SUPT3H: variants seen among roughly 807,000 people sequenced by gnomAD.
SUPT3H encodes the protein SPT3 homolog, SAGA and STAGA complex component, also known as transcription initiation protein SPT3 homolog.
In SUPT3H, 44 loss-of-function variants were observed where a neutral mutation model predicts 44.3. The observed-to-expected ratio is 0.99, with a 90% CI of 0.78 to 1.28. The LOEUF (loss-of-function observed/expected upper bound fraction) is 1.28, where lower values mean the gene tolerates loss of function less well. Among genes scored for constraint, SUPT3H ranks in the 50% most tolerant of loss-of-function variants. SUPT3H has a pLI of 0.00. For missense variants in SUPT3H, 380 were observed against 387.1 expected (o/e 0.98, Z 0.15); for synonymous variants, 124 against 125.6 (o/e 0.99, Z 0.09).
At chr6:45,187,415 CA>C (rs70996309) in intron 2 of SUPT3H, among the ~76,000 whole-genome samples, 56 of 146,364 alleles carry the variant, frequency 3.8e-4, no homozygotes, top group Middle Eastern at 3.5e-3. Flanking sequence ...AACTCCGTTT[CA>C]AAAAAAAAAA....
At chr6:45,092,735 G>A (rs1338421231) in intron 3 of SUPT3H, among the ~76,000 whole-genome samples, 6 of 129,144 alleles carry the variant, frequency 4.6e-5, no homozygotes, top group South Asian at 2.8e-4. Flanking sequence ...GGGGAACAAC[G>A]GTGAGACTTC....
intron 2 of SUPT3H, among the ~76,000 whole-genome samples, chr6:45,138,221 G>T (rs1804625843): frequency 6.6e-6 from 1 of 152,106 alleles, no homozygotes; most frequent in Non-Finnish European, 1.5e-5. Flanking sequence ...GGAGGATGTG[G>T]AAAAATCAAA....
At chr6:45,107,683 A>G (rs910254283) in intron 2 of SUPT3H, among the ~76,000 whole-genome samples, 1 of 152,208 alleles carries the variant, frequency 6.6e-6, no homozygotes, top group African/African-American at 2.4e-5. Flanking sequence ...GTTGAAGAAC[A>G]TATTTCGAAC....
At chr6:44,972,885 G>C (rs140726037) in intron 6 of SUPT3H, among the ~76,000 whole-genome samples, 2 of 152,282 alleles carry the variant, frequency 1.3e-5, no homozygotes, top group East Asian at 3.9e-4. Flanking sequence ...CAAGGCCCTG[G>C]GCCTGACTCA....
intron 10 of SUPT3H, among the ~76,000 whole-genome samples, chr6:44,909,160 T>C (rs1766616036): frequency 6.6e-6 from 1 of 151,834 alleles, no homozygotes; most frequent in South Asian, 2.1e-4. Flanking sequence ...TGTGTGTGTG[T>C]GTGTGTGTGT....
chr6:45,297,300 CAG>C (rs1781455705), intron 2 of SUPT3H, among the ~76,000 whole-genome samples: 1 of 152,136 alleles, frequency 6.6e-6, no homozygotes, highest in African/African-American at 2.4e-5. Context: ...CAACTGTATT[CAG>C]AGTTATCCTA....
In SUPT3H at chr6:45,161,992, A is replaced by G. The variant is rs1421549870; in HGVS notation, c.102-55986T>C. 2.6e-5 allele frequency among the ~76,000 whole-genome samples: 4 copies of G among 152,036 alleles called. 1 individual carries two copies. Among genetic ancestry groups the G allele is most frequent in the Non-Finnish European group, 5.9e-5 (4 of 68,024 alleles). On this transcript the variant is annotated intron_variant, in intron 2 of 10. Coordinates refer to ENST00000371459, the MANE Select transcript of SUPT3H (RefSeq NM_003599.4). ...AGACAATGACAACCACAGCATTCCA[A>G]CAAATACATAGGAATGTGTATAACT...
At chr6:45,319,835 A>T (rs1439425106) in intron 2 of SUPT3H, among the ~76,000 whole-genome samples, 2 of 152,326 alleles carry the variant, frequency 1.3e-5, no homozygotes, top group South Asian at 2.1e-4. Context: ...TTTCTGCTAA[A>T]ATATTTCATG....
intron 6 of SUPT3H, among the ~76,000 whole-genome samples, chr6:44,975,126 G>A (rs113681145): frequency 0.033 from 4,980 of 151,966 alleles, 245 homozygotes; most frequent in African/African-American, 0.11. Context: ...AGCAGAGATC[G>A]GGCCACTGCA....
At position 44,911,817 on chromosome 6, in the gene SUPT3H, T is replaced by C. The variant is rs555902862; in HGVS notation, c.912+20836A>G. Among the ~76,000 whole-genome samples, 8 of 152,338 alleles carry C rather than the reference T, an allele frequency of 5.3e-5. No homozygotes were observed. The South Asian group carries it at 1.5e-3, about 28-fold the overall frequency. ...TGGATACTGTGTTAATTTGTGAGCA[T>C]ATTTGGAACCTTGAATTAGAACATG... On this transcript the variant is annotated intron_variant, in intron 10 of 10. Transcript: ENST00000371459.
chr6:45,050,698 G>A (rs1790143895), intron 3 of SUPT3H, among the ~76,000 whole-genome samples: 1 of 152,092 alleles, frequency 6.6e-6, no homozygotes. Context: ...AGGTCAATGA[G>A]TAGGCATGTT....
chr6:45,195,874 A>T (rs1318619874), intron 2 of SUPT3H, among the ~76,000 whole-genome samples: 2 of 152,112 alleles, frequency 1.3e-5, no homozygotes, highest in Non-Finnish European at 2.9e-5. Flanking sequence ...CGGTAGTTAC[A>T]AACTTTCTGA....
At chr6:45,153,805 C>T (rs953365095) in intron 2 of SUPT3H, among the ~76,000 whole-genome samples, 8 of 152,136 alleles carry the variant, frequency 5.3e-5, no homozygotes, top group South Asian at 4.2e-4. Context: ...CGGTGGCTCA[C>T]GCCTGTAATC....
intron 11 of SUPT3H, among the ~76,000 whole-genome samples, chr6:44,811,526 G>T (rs1405363767): frequency 6.6e-6 from 1 of 152,220 alleles, no homozygotes; most frequent in Non-Finnish European, 1.5e-5. Context: ...ACAGGGTTCT[G>T]AGTTAGAGTT....
intron 6 of SUPT3H, among the ~76,000 whole-genome samples, chr6:44,984,918 G>A (rs1032129643): frequency 1.3e-5 from 2 of 151,998 alleles, no homozygotes; most frequent in Non-Finnish European, 2.9e-5. Flanking sequence ...GCCAAATTTT[G>A]CTCAGTATTC....
Position 45,303,457 on chromosome 6 carries a change from T to G in SUPT3H, c.101+61744A>C, listed in dbSNP as rs1426937954. Among the ~76,000 whole-genome samples, 5 of 152,070 alleles carry G rather than the reference T, an allele frequency of 3.3e-5. No individual in the cohort carries two copies. The East Asian group carries it at 9.7e-4, about 29-fold the overall frequency. ...CAAACAATCCCATCAAAAAGTGGGC[T>G]AAGGACATGAACAATTTTCAAAAGA... On this transcript the variant is annotated intron_variant, in intron 2 of 10. Coordinates refer to ENST00000371459, the MANE Select transcript of SUPT3H (RefSeq NM_003599.4).
chr6:44,863,526 C>T (rs747936887), intron 10 of SUPT3H, among the ~76,000 whole-genome samples: 1 of 151,934 alleles, frequency 6.6e-6, no homozygotes, highest in African/African-American at 2.4e-5. Flanking sequence ...AAAAAGCACT[C>T]TAGGTAGAGA....
intron 2 of SUPT3H, among the ~76,000 whole-genome samples, chr6:45,202,778 A>G (rs1434552708): frequency 6.6e-6 from 1 of 152,142 alleles, no homozygotes; most frequent in East Asian, 1.9e-4. Flanking sequence ...ATTCTATTTA[A>G]TGAACTAAAG....
rs945912546 is a variant in SUPT3H at position 45,236,715 on chromosome 6, G to A, written c.101+128486C>T. Among the ~76,000 whole-genome samples, 5 of 151,950 alleles carry A rather than the reference G, an allele frequency of 3.3e-5. No individual in the cohort carries two copies. The South Asian group carries it at 8.3e-4, about 25-fold the overall frequency. On this transcript the variant is annotated intron_variant, in intron 2 of 10. Transcript: ENST00000371459. ...AGCTAGAAGAGAGGGTGATTTAGAGGCTTGGCAGTTTCCTGTTAGAATACA... is the reference window on the plus strand; with the variant it reads ...AGCTAGAAGAGAGGGTGATTTAGAGACTTGGCAGTTTCCTGTTAGAATACA...
Sources: gnomAD v4.1 joint callset for allele counts (sites outside exome capture counted in the v4.1 genomes callset) on GRCh38, gnomAD v4.1.1 for gene constraint, MANE v1.5 for transcripts, NCBI Gene and HGNC (gene_info 2026-07-23, HGNC 2026-07-21) for gene names.